The following ALK variants were observed in gnomAD, a reference collection of about 807,000 sequenced individuals.
ALK encodes ALK tyrosine kinase receptor.
Under a neutral mutation model 163.1 loss-of-function variants are expected in ALK, and 74 were observed. The observed-to-expected ratio is 0.45, with a 90% CI of 0.38 to 0.55. The LOEUF is 0.55. Ranked by LOEUF, ALK falls within the 20% of genes least tolerant of loss-of-function variation. The probability of loss-of-function intolerance (pLI) is 0.00; values close to 1 mark genes in which losing one functional copy is unlikely to be tolerated. For synonymous variants in ALK, 960 were observed against 843.2 expected, an observed-to-expected ratio of 1.14 and a Z score of -2.40; for missense variants, 2,063 against 2,105.3, an observed-to-expected ratio of 0.98 and a Z score of 0.39.
chr2:29,546,238 G>C (rs1653194105), intron 3 of ALK, among the ~76,000 whole-genome samples: 1 of 152,008 alleles, frequency 6.6e-6, no homozygotes, highest in African/African-American at 2.4e-5. Context: ...TTACATCAAT[G>C]GATTTCATTT....
intron 1 of ALK, among the ~76,000 whole-genome samples, chr2:29,867,656 C>T (rs1666469061): frequency 4.6e-5 from 7 of 152,212 alleles, no homozygotes; most frequent in Admixed American, 3.9e-4. Flanking sequence ...AATGCAGCCA[C>T]CACTTTCAGA....
intron 1 of ALK, among the ~76,000 whole-genome samples, chr2:29,775,668 C>T (rs1404236127): frequency 6.6e-6 from 1 of 152,214 alleles, no homozygotes; most frequent in Non-Finnish European, 1.5e-5. Flanking sequence ...AAAATCCCTG[C>T]TTCCCCATTT....
intron 3 of ALK, among the ~76,000 whole-genome samples, chr2:29,653,637 C>G (rs1218534766): frequency 1.3e-5 from 2 of 152,084 alleles, no homozygotes; most frequent in African/African-American, 4.8e-5. Context: ...ATTGGATGCT[C>G]AATAAATGTC....
At chr2:29,204,058 C>T (rs1669253761) in intron 26 of ALK, among the ~76,000 whole-genome samples, 1 of 152,118 alleles carries the variant, frequency 6.6e-6, no homozygotes, top group African/African-American at 2.4e-5. Context: ...GCTTCACACT[C>T]CATCCTTTTC....
chr2:29,560,390 G>C (rs75311962), intron 3 of ALK, among the ~76,000 whole-genome samples: 144 of 152,286 alleles, frequency 9.5e-4, no homozygotes, highest in African/African-American at 3.4e-3. Flanking sequence ...CAGCTGTAGA[G>C]ACAAGAAATA....
intron 9 of ALK, 140 bp downstream of exon 9, chr2:29,296,746 TGC>T: frequency 5.8e-6 from 5 of 857,038 alleles, no homozygotes; most frequent in Non-Finnish European, 9.4e-6. Context: ...TGTGTGCACG[TGC>T]GTGCACGCGC....
At chr2:29,547,943 G>T (rs189989721) in intron 3 of ALK, among the ~76,000 whole-genome samples, 2 of 152,148 alleles carry the variant, frequency 1.3e-5, no homozygotes, top group African/African-American at 4.8e-5. Flanking sequence ...CTTAAATATC[G>T]CATGAGACAT....
chr2:29,298,925 TC>T (rs1409004818), intron 8 of ALK, among the ~76,000 whole-genome samples: 1 of 152,210 alleles, frequency 6.6e-6, no homozygotes, highest in Non-Finnish European at 1.5e-5. Context: ...ATCTTTTGGC[TC>T]CTTTGTCTAC....
chr2:29,803,481 T>G (rs1664535492), intron 1 of ALK, among the ~76,000 whole-genome samples: 5 of 152,206 alleles, frequency 3.3e-5, no homozygotes, highest in Admixed American at 3.3e-4. Context: ...TTCTTCACAG[T>G]CAAGGTGTGG....
intron 4 of ALK, among the ~76,000 whole-genome samples, chr2:29,525,763 C>A (rs1309526374): frequency 1.5e-5 from 2 of 132,364 alleles, no homozygotes; most frequent in Middle Eastern, 5.9e-3. Context: ...TACACTCCAG[C>A]CTGGGTGACA....
At chr2:29,222,116 C>T (rs1669819296) in intron 22 of ALK, among the ~76,000 whole-genome samples, 2 of 152,218 alleles carry the variant, frequency 1.3e-5, no homozygotes, top group East Asian at 3.8e-4. Context: ...CAGACAGTGA[C>T]ATCGGTGGGA....
rs534106827 is a variant in ALK at position 29,254,736 on chromosome 2, G to A, written c.2042-3469C>T. 5.9e-5 allele frequency among the ~76,000 whole-genome samples: 9 copies of A among 152,296 alleles called. No homozygotes were observed. The South Asian group carries it at 1.7e-3, about 28-fold the overall frequency. On this transcript the variant is annotated intron_variant, in intron 11 of 28. Coordinates refer to ENST00000389048, the MANE Select transcript of ALK (RefSeq NM_004304.5). ...GTGCTTAGTACAACATTCAGCATTAGAGATGCACAATGACTACAGTTTAAA... is the reference window on the plus strand; with the variant it reads ...GTGCTTAGTACAACATTCAGCATTAAAGATGCACAATGACTACAGTTTAAA...
intron 3 of ALK, among the ~76,000 whole-genome samples, chr2:29,595,319 A>ATTTTTTTTTTTTTTTTT (rs10641464): frequency 8.1e-6 from 1 of 123,990 alleles, no homozygotes; most frequent in Non-Finnish European, 1.7e-5. Context: ...GTCTTACTGG[A>ATTTTTTTTTTTTTTTTT]TTTTTTTTTT....
At chr2:29,712,664 A>G (rs924996120) in intron 2 of ALK, among the ~76,000 whole-genome samples, 1 of 152,070 alleles carries the variant, frequency 6.6e-6, no homozygotes, top group Non-Finnish European at 1.5e-5. Context: ...AGTCTTTTCA[A>G]TCAAAGAAAT....
chr2:29,499,987 C>A (rs1365371766), intron 4 of ALK, among the ~76,000 whole-genome samples: 2 of 152,192 alleles, frequency 1.3e-5, no homozygotes, highest in Non-Finnish European at 2.9e-5. Flanking sequence ...CATTGTGACA[C>A]CCCCATACAC....
At chr2:29,516,459 T>C (rs1320532123) in intron 4 of ALK, among the ~76,000 whole-genome samples, 1 of 152,196 alleles carries the variant, frequency 6.6e-6, no homozygotes, top group Non-Finnish European at 1.5e-5. Context: ...GGAGATGCTG[T>C]TCCATCTGGT....
chr2:29,789,093 G>C (rs17008743), intron 1 of ALK, among the ~76,000 whole-genome samples: 9,432 of 150,900 alleles, frequency 0.063, 739 homozygotes, highest in African/African-American at 0.18. Flanking sequence ...GCCTGGGTCT[G>C]AGTCTAGGTC....
chr2:29,368,976 C>T (rs531383315), intron 5 of ALK, among the ~76,000 whole-genome samples: 26 of 152,230 alleles, frequency 1.7e-4, no homozygotes, highest in Admixed American at 6.5e-4. Context: ...ATCAAAAAAC[C>T]GCCAGCACTC....
intron 1 of ALK, among the ~76,000 whole-genome samples, chr2:29,839,436 A>T (rs571495817): frequency 6.6e-6 from 1 of 152,268 alleles, no homozygotes; most frequent in East Asian, 1.9e-4. Context: ...CATCTTCAAG[A>T]TTTCACATAA....
Sources: allele counts gnomAD v4.1 joint callset (sites outside exome capture counted in the v4.1 genomes callset), GRCh38; gene constraint gnomAD v4.1.1; transcripts MANE v1.5; gene names NCBI Gene and HGNC (gene_info 2026-07-23, HGNC 2026-07-21).